The following CACNB2 variants were observed in gnomAD, a reference collection of about 807,000 sequenced individuals.
CACNB2 encodes the protein calcium voltage-gated channel auxiliary subunit beta 2, also known as voltage-dependent L-type calcium channel subunit beta-2.
CACNB2 carries 42 observed loss-of-function variants against 73.3 expected under a neutral mutation model. The ratio of observed to expected loss-of-function variants is 0.57; its 90% CI spans 0.45 to 0.74. CACNB2 has a LOEUF of 0.74. Among genes scored for constraint, CACNB2 ranks in the 30% least tolerant of loss-of-function variants. The pLI is 0.00. For missense variants in CACNB2, 940 were observed against 853.0 expected, an observed-to-expected ratio of 1.10 and a Z score of -1.27; for synonymous variants, 348 against 310.3, an observed-to-expected ratio of 1.12 and a Z score of -1.28.
At chr10:18,387,941 C>T (rs1029637172) in intron 2 of CACNB2, among the ~76,000 whole-genome samples, 3 of 151,982 alleles carry the variant, frequency 2.0e-5, no homozygotes, top group African/African-American at 7.2e-5. Context: ...ATTTTTTGTA[C>T]AGATGGGGTC....
intron 2 of CACNB2, among the ~76,000 whole-genome samples, chr10:18,263,280 C>T (rs549612504): frequency 3.3e-5 from 5 of 152,172 alleles, no homozygotes; most frequent in African/African-American, 7.2e-5. Flanking sequence ...TAGATTTGAC[C>T]GCAAAGCAGA....
chr10:18,287,515 A>G (rs191513974), intron 2 of CACNB2, among the ~76,000 whole-genome samples: 1 of 152,102 alleles, frequency 6.6e-6, no homozygotes, highest in Non-Finnish European at 1.5e-5. Flanking sequence ...GTGTGGTTTA[A>G]TACAACAGAA....
At chr10:18,255,258 T>C (rs556432506) in intron 2 of CACNB2, among the ~76,000 whole-genome samples, 36 of 152,176 alleles carry the variant, frequency 2.4e-4, no homozygotes, top group Non-Finnish European at 4.0e-4. Context: ...CTTACTTTAT[T>C]CTCCAACTGC....
intron 3 of CACNB2, among the ~76,000 whole-genome samples, chr10:18,480,193 C>T (rs544083424): frequency 6.6e-6 from 1 of 152,100 alleles, no homozygotes; most frequent in East Asian, 1.9e-4. Context: ...GAAGGGGTTC[C>T]CATTCACTTG....
Position 18,411,506 on chromosome 10 carries a change from AT to A in CACNB2, c.333+9483del, listed in dbSNP as rs72400253. ...AAAGGCAAAATTTGTGTCTTTGAGCATTTTTTTTTTTTTTTTTTTTGAGATG... is the reference window on the plus strand; with the variant it reads ...AAAGGCAAAATTTGTGTCTTTGAGCATTTTTTTTTTTTTTTTTTTGAGATG... On this transcript the variant is annotated intron_variant, in intron 3 of 13. Coordinates refer to ENST00000324631, the MANE Select transcript of CACNB2 (RefSeq NM_201596.3). 6.6e-3 allele frequency among the ~76,000 whole-genome samples: 832 copies of A among 125,670 alleles called. 4 individuals are homozygous for A. The highest frequency in any genetic ancestry group is 0.018 in the Middle Eastern group (4 of 224). The allele number at this position is 125,670 out of a possible 152,430, so 82.4% of individuals were successfully genotyped here.
intron 3 of CACNB2, among the ~76,000 whole-genome samples, chr10:18,406,648 T>G (rs2044303568): frequency 6.6e-6 from 1 of 152,238 alleles, no homozygotes; most frequent in Non-Finnish European, 1.5e-5. Flanking sequence ...TCCTACTGAT[T>G]CTACATGATT....
intron 3 of CACNB2, among the ~76,000 whole-genome samples, chr10:18,453,255 C>T (rs1057249047): frequency 2.0e-5 from 3 of 152,196 alleles, no homozygotes; most frequent in African/African-American, 7.2e-5. Context: ...TCTGTCCTAC[C>T]TAAAAACCTA....
Position 18,152,709 on chromosome 10 carries a change from C to CAAAAAAAAAAAAA in CACNB2, c.213+1745_213+1757dup, listed in dbSNP as rs772732675. Among the ~76,000 whole-genome samples, 85 of 49,292 alleles carry CAAAAAAAAAAAAA rather than the reference C, an allele frequency of 1.7e-3. 1 individual carries two copies. Among genetic ancestry groups the CAAAAAAAAAAAAA allele is most frequent in the East Asian group, 4.8e-3 (7 of 1,470 alleles). The allele number at this position is 49,292 out of a possible 152,430, so 32.3% of individuals were successfully genotyped here. A position where few individuals can be genotyped will look rare whatever the true frequency, so the allele number is the denominator to read the frequency against. ...TCATCATGCAGGACCTGAAACAGAC[C>CAAAAAAAAAAAAA]AAAAAAAAAAAAAAAAAAAAAAACA... On this transcript the variant is annotated intron_variant, in intron 2 of 13. Transcript: ENST00000324631.
chr10:18,271,186 G>T (rs900146472), intron 2 of CACNB2, among the ~76,000 whole-genome samples: 1 of 152,216 alleles, frequency 6.6e-6, no homozygotes, highest in Non-Finnish European at 1.5e-5. Flanking sequence ...GCATAAAGTA[G>T]AAGAGAAATT....
intron 2 of CACNB2, among the ~76,000 whole-genome samples, chr10:18,207,981 G>A (rs1013204539): frequency 1.3e-5 from 2 of 152,176 alleles, no homozygotes; most frequent in African/African-American, 4.8e-5. Flanking sequence ...TGTATGCTTT[G>A]TATGTGCTGC....
rs543452512 is a variant in CACNB2 at position 18,424,786 on chromosome 10, C to T, written c.333+22743C>T. Among the ~76,000 whole-genome samples the T allele has an allele frequency of 6.7e-4, 102 of 152,258 alleles. 1 individual carries two copies. Among genetic ancestry groups the T allele is most frequent in the African/African-American group, 2.4e-3 (98 of 41,550 alleles). On this transcript the variant is annotated intron_variant, in intron 3 of 13. Coordinates refer to ENST00000324631, the MANE Select transcript of CACNB2 (RefSeq NM_201596.3). ...CAACATTAAATGTGTAAAATTCATT[C>T]TTGTTGATTTGTATCACCATAATTT...
chr10:18,141,603 A>G (rs192091044), intron 1 of CACNB2, among the ~76,000 whole-genome samples: 10 of 152,372 alleles, frequency 6.6e-5, no homozygotes, highest in African/African-American at 2.2e-4. Flanking sequence ...GGAAAAAGTC[A>G]GCTTCGCTGC....
chr10:18,313,933 G>A (rs374325427), intron 2 of CACNB2, among the ~76,000 whole-genome samples: 1 of 152,154 alleles, frequency 6.6e-6, no homozygotes, highest in East Asian at 1.9e-4. Flanking sequence ...AGTAAATTCC[G>A]CTTCATTGAA....
chr10:18,151,623 C>T (rs1414812938), intron 2 of CACNB2, among the ~76,000 whole-genome samples: 1 of 152,070 alleles, frequency 6.6e-6, no homozygotes, highest in Non-Finnish European at 1.5e-5. Flanking sequence ...ATTCCATTAC[C>T]AGAGGAAGAG....
At chr10:18,537,102 C>CTCGGCCCTCCAAGTAGCTAGGACTACA (rs2053677996) in intron 12 of CACNB2, among the ~76,000 whole-genome samples, 1 of 152,092 alleles carries the variant, frequency 6.6e-6, no homozygotes, top group Admixed American at 6.5e-5. Context: ...ATCCTCCCAC[C>CTCGGCCCTCCAAGTAGCTAGGACTACA]TCGGCCCTCC....
intron 2 of CACNB2, among the ~76,000 whole-genome samples, chr10:18,380,812 T>C (rs2042985925): frequency 6.6e-6 from 1 of 152,020 alleles, no homozygotes; most frequent in Non-Finnish European, 1.5e-5. Context: ...ATTCTTAATT[T>C]TTCAGCGCAT....
At chr10:18,270,707 C>T (rs771238873) in intron 2 of CACNB2, among the ~76,000 whole-genome samples, 1 of 152,078 alleles carries the variant, frequency 6.6e-6, no homozygotes, top group East Asian at 1.9e-4. Context: ...GAGGCTGTTC[C>T]CTGGTCTCGG....
intron 6 of CACNB2, among the ~76,000 whole-genome samples, chr10:18,507,290 A>G (rs536399212): frequency 8.6e-4 from 131 of 152,356 alleles, no homozygotes; most frequent in South Asian, 1.4e-3. Context: ...GCTCTACCAG[A>G]AAAGTTCTGT....
intron 10 of CACNB2, among the ~76,000 whole-genome samples, chr10:18,530,776 C>T (rs999750952): frequency 7.9e-5 from 12 of 152,146 alleles, no homozygotes; most frequent in African/African-American, 1.2e-4. Flanking sequence ...GTAACTATAA[C>T]GGAAGCTTTG....
Sources: allele counts gnomAD v4.1 joint callset (sites outside exome capture counted in the v4.1 genomes callset), GRCh38; gene constraint gnomAD v4.1.1; transcripts MANE v1.5; gene names NCBI Gene and HGNC (gene_info 2026-07-23, HGNC 2026-07-21).